CSMD1: variants seen among roughly 807,000 people sequenced by gnomAD.
CSMD1 encodes the protein CUB and Sushi multiple domains 1, also known as CUB and sushi domain-containing protein 1.
Under a neutral mutation model 417.5 loss-of-function variants are expected in CSMD1, and 213 were observed. That is an observed-to-expected ratio of 0.51 (90% CI 0.46 to 0.57). The LOEUF is 0.57. Among genes scored for constraint, CSMD1 ranks in the 20% least tolerant of loss-of-function variants. CSMD1 has a pLI of 0.00. For missense variants in CSMD1, 6,923 were observed against 4,529.7 expected, an observed-to-expected ratio of 1.53 and a Z score of -15.17; for synonymous variants, 2,862 against 1,736.8, an observed-to-expected ratio of 1.65 and a Z score of -16.11.
At chr8:3,356,103 T>A (rs1211297161) in intron 21 of CSMD1, among the ~76,000 whole-genome samples, 1 of 152,186 alleles carries the variant, frequency 6.6e-6, no homozygotes, top group Non-Finnish European at 1.5e-5. Context: ...AGTCAGACAC[T>A]TATTAGGGAG....
chr8:4,464,524 A>T lies in CSMD1; in HGVS notation c.303-44459T>A, dbSNP rs151063907. Among the ~76,000 whole-genome samples the T allele has an allele frequency of 2.3e-3, 350 of 152,314 alleles. 2 individuals carry two copies. Among genetic ancestry groups the T allele is most frequent in the African/African-American group, 8.1e-3 (336 of 41,566 alleles). On this transcript the variant is annotated intron_variant, in intron 2 of 69. Coordinates refer to ENST00000635120, the MANE Select transcript of CSMD1 (RefSeq NM_033225.6). ...ACACATTGAGTATCTCGTGTCATTT[A>T]TTCAATATTGAACTAAAAGTGAAAA... is the stretch of plus-strand genomic sequence containing the variant.
At chr8:3,215,010 C>T (rs17079633) in intron 29 of CSMD1, among the ~76,000 whole-genome samples, 46,263 of 151,966 alleles carry the variant, frequency 0.3, 7,357 homozygotes, top group African/African-American at 0.41. Context: ...TTTTTGGCTA[C>T]AGATTTTAGG....
chr8:4,541,190 C>T (rs1395106078), intron 2 of CSMD1, among the ~76,000 whole-genome samples: 1 of 152,086 alleles, frequency 6.6e-6, no homozygotes, highest in East Asian at 1.9e-4. Context: ...TTTCCAGCTG[C>T]ATCTAGGGAC....
rs1348509970 is a variant in CSMD1, at chr8:3,205,613, A to G, written c.4875T>C (p.Cys1625=). 3 of 1,529,472 alleles carry G rather than the reference A, an allele frequency of 2.0e-6. No individual in the cohort carries two copies. The highest frequency in any genetic ancestry group is 2.3e-5 in the East Asian group (1 of 43,654). The allele number at this position is 1,529,472 out of a possible 1,614,324, so 94.7% of individuals were successfully genotyped here. A position where few individuals can be genotyped will look rare whatever the true frequency, so the allele number is the denominator to read the frequency against. The part of the protein sequence containing the change: ...DQVLPSCNAP[C]GGQYTGSEGV... ...CTTCTGATCCCGTGTACTGGCCTCC[A>G]CAGGGAGCTGAAAATAAAATCAACC... The change falls in exon 31 of 70, where the codon TGT becomes TGC. Residue 1625 remains cysteine, a synonymous_variant. Transcript: ENST00000635120.
chr8:4,590,236 C>A (rs1326212226), intron 2 of CSMD1, among the ~76,000 whole-genome samples: 1 of 151,820 alleles, frequency 6.6e-6, no homozygotes, highest in Non-Finnish European at 1.5e-5. Context: ...AGAGTAGTGT[C>A]TAGCGTCATA....
chr8:4,111,875 T>A (rs1801875675), intron 3 of CSMD1, among the ~76,000 whole-genome samples: 1 of 152,174 alleles, frequency 6.6e-6, no homozygotes, highest in African/African-American at 2.4e-5. Flanking sequence ...GGCACATGTT[T>A]ACCTATGTAA....
intron 40 of CSMD1, among the ~76,000 whole-genome samples, chr8:3,149,231 T>C (rs1819041385): frequency 6.6e-6 from 1 of 152,194 alleles, no homozygotes; most frequent in South Asian, 2.1e-4. Flanking sequence ...TACTAAATGA[T>C]ACCCTTCTCA....
rs571563930 is a variant in CSMD1 at position 4,034,059 on chromosome 8, T to C, written c.416-1960A>G. Among the ~76,000 whole-genome samples, 6 of 152,238 alleles carry C rather than the reference T, an allele frequency of 3.9e-5. No individual in the cohort carries two copies. The South Asian group carries it at 1.0e-3, about 26-fold the overall frequency. ...GAACAGAAACTATTTCATGTCTGTA[T>C]CCATTGTCTTTGCATCGGCATGGGG... On this transcript the variant is annotated intron_variant, in intron 3 of 69. Transcript: ENST00000635120.
At chr8:4,441,352 A>G (rs1167292142) in intron 2 of CSMD1, among the ~76,000 whole-genome samples, 1 of 149,820 alleles carries the variant, frequency 6.7e-6, no homozygotes, top group African/African-American at 2.5e-5. Context: ...GCCCCAAGCA[A>G]TCCTCCTGTC....
At chr8:3,628,211 T>A (rs575476111) in intron 7 of CSMD1, among the ~76,000 whole-genome samples, 59 of 152,332 alleles carry the variant, frequency 3.9e-4, no homozygotes, top group Admixed American at 1.7e-3. Flanking sequence ...ATTTTTATTT[T>A]TAAAATTTGT....
intron 1 of CSMD1, among the ~76,000 whole-genome samples, chr8:4,675,380 A>C (rs1805608843): frequency 6.6e-6 from 1 of 152,286 alleles, no homozygotes; most frequent in African/African-American, 2.4e-5. Context: ...ACAGGGCAAA[A>C]CCTTAAGTTT....
At chr8:4,720,194 C>A (rs918252393) in intron 1 of CSMD1, among the ~76,000 whole-genome samples, 5 of 150,374 alleles carry the variant, frequency 3.3e-5, no homozygotes, top group Admixed American at 2.7e-4. Flanking sequence ...ATTTATATTT[C>A]ATATACTTTT....
chr8:4,081,517 T>A (rs1458347573), intron 3 of CSMD1, among the ~76,000 whole-genome samples: 1 of 151,630 alleles, frequency 6.6e-6, no homozygotes, highest in Non-Finnish European at 1.5e-5. Flanking sequence ...GGAACTGGGG[T>A]CCCCCTACCA....
chr8:4,372,779 T>G (rs1033220292), intron 3 of CSMD1, among the ~76,000 whole-genome samples: 1 of 150,482 alleles, frequency 6.6e-6, no homozygotes. Flanking sequence ...TAACCCAAAG[T>G]GTACAATAAA....
intron 41 of CSMD1, among the ~76,000 whole-genome samples, chr8:3,138,097 G>C (rs913585153): frequency 6.6e-6 from 1 of 152,126 alleles, no homozygotes; most frequent in Admixed American, 6.6e-5. Context: ...ATGGTGGCGG[G>C]TGCCTGTAAT....
chr8:4,022,565 C>G (rs149351682), intron 4 of CSMD1, among the ~76,000 whole-genome samples: 14 of 152,220 alleles, frequency 9.2e-5, no homozygotes, highest in Admixed American at 2.0e-4. Flanking sequence ...ACAGGGTGTG[C>G]ATTGAGGGCA....
intron 3 of CSMD1, among the ~76,000 whole-genome samples, chr8:4,040,190 G>T (rs947130699): frequency 1.3e-5 from 2 of 152,046 alleles, no homozygotes; most frequent in African/African-American, 4.8e-5. Context: ...GGAAGTGAAG[G>T]AGAAGGACAT....
chr8:3,409,571 G>C lies in CSMD1; in HGVS notation c.1596C>G (p.Ile532Met). ...IEKGGCGDPG[I>M]PAYGKRTGSS... ...TGCCCGTCCGCTTCCCATAGGCGGG[G>C]ATTCCAGGATCCCCACACCCTCCCT... Residue 532 changes from isoleucine (I) to methionine (M), a missense_variant, in exon 13 of 70, where the codon ATC (isoleucine) becomes ATG (methionine). Ile to Met is a conservative substitution (Grantham distance 10). Transcript: ENST00000635120. The C allele has an allele frequency of 6.2e-7, 1 of 1,607,738 alleles. No homozygotes were observed. The highest frequency in any genetic ancestry group is 1.3e-5 in the African/African-American group (1 of 74,916).
intron 1 of CSMD1, among the ~76,000 whole-genome samples, chr8:4,693,618 C>T (rs1806919321): frequency 6.6e-6 from 1 of 152,166 alleles, no homozygotes; most frequent in South Asian, 2.1e-4. Flanking sequence ...GGATTTTTCT[C>T]CTTCCATTTT....
Sources: allele counts gnomAD v4.1 joint callset (sites outside exome capture counted in the v4.1 genomes callset), GRCh38; gene constraint gnomAD v4.1.1; transcripts MANE v1.5; gene names NCBI Gene and HGNC (gene_info 2026-07-23, HGNC 2026-07-21).